ANK2: variants seen among roughly 807,000 people sequenced by gnomAD.
ANK2 encodes the protein ankyrin 2.
In ANK2, 83 loss-of-function variants were observed where a neutral mutation model predicts 360.5. That is an observed-to-expected ratio of 0.23 (90% CI 0.19 to 0.28). The LOEUF (loss-of-function observed/expected upper bound fraction) is 0.28, where lower values mean the gene tolerates loss of function less well. Among genes scored for constraint, ANK2 ranks in the 10% least tolerant of loss-of-function variants. The pLI, the probability that ANK2 is intolerant of heterozygous loss-of-function variation, is 1.00. For synonymous variants in ANK2, 1,740 were observed against 1,759.5 expected, an observed-to-expected ratio of 0.99 and a Z score of 0.28; for missense variants, 4,201 against 4,795.7, an observed-to-expected ratio of 0.88 and a Z score of 3.66.
At chr4:112,948,746 T>C (rs554716770) in intron 2 of ANK2, among the ~76,000 whole-genome samples, 1 of 152,316 alleles carries the variant, frequency 6.6e-6, no homozygotes, top group African/African-American at 2.4e-5. Context: ...GTTATTGTTA[T>C]ATGCAGTTTA....
chr4:112,895,120 C>T (rs924016011), intron 1 of ANK2, among the ~76,000 whole-genome samples: 1 of 152,092 alleles, frequency 6.6e-6, no homozygotes, highest in Non-Finnish European at 1.5e-5. Context: ...ACTTAGTTAT[C>T]CTAAATAGTC....
chr4:112,930,643 C>G (rs2154236339), intron 2 of ANK2, among the ~76,000 whole-genome samples: 1 of 151,916 alleles, frequency 6.6e-6, no homozygotes, highest in South Asian at 2.1e-4. Context: ...AATCCCAGGA[C>G]TTTGGGAGGC....
chr4:113,282,535 A>G (rs1029305108), intron 17 of ANK2, 140 bp from the exon 18 acceptor site: 55 of 825,010 alleles, frequency 6.7e-5, no homozygotes, highest in Non-Finnish European at 1.0e-4. Context: ...TGGAAACGTG[A>G]TGAGTAAGAG....
chr4:113,325,336 T>A (rs1471516107), intron 26 of ANK2, among the ~76,000 whole-genome samples: 1 of 152,172 alleles, frequency 6.6e-6, no homozygotes, highest in African/African-American at 2.4e-5. Flanking sequence ...AAATGAAAGG[T>A]TTAAGTAGGT....
chr4:113,308,088 G>A (rs987181796), intron 23 of ANK2, among the ~76,000 whole-genome samples: 46 of 152,096 alleles, frequency 3.0e-4, no homozygotes, highest in African/African-American at 9.9e-4. Context: ...CATTGAATAA[G>A]TAAGTTGAAA....
At chr4:113,113,750 C>A (rs1249459784) in intron 1 of ANK2, among the ~76,000 whole-genome samples, 2 of 152,146 alleles carry the variant, frequency 1.3e-5, no homozygotes, top group Non-Finnish European at 2.9e-5. Flanking sequence ...GAATTGGAAC[C>A]TGGTGCCTTG....
the ANK2 span, among the ~76,000 whole-genome samples, chr4:112,810,145 ATATATATATATATATTTTTTTT>A: frequency 3.6e-3 from 203 of 56,690 alleles, 4 homozygotes; most frequent in South Asian, 0.015. Context: ...ATATATATAT[ATATATATATATATATTTTTTTT>A]TTTTTTTTTT....
chr4:112,827,449 G>T lies in ANK2; in HGVS notation c.-40+9185G>T, dbSNP rs939527436. 5 of 1,378,014 alleles carry T rather than the reference G, an allele frequency of 3.6e-6. No homozygotes were observed. The African/African-American group carries it at 7.1e-5, about 20-fold the overall frequency. The allele number at this position is 1,378,014 out of a possible 1,614,324, so 85.4% of individuals were successfully genotyped here. On this transcript the variant is annotated intron_variant, in intron 1 of 30. Transcript: ENST00000503271. ...AGAACTTGGAAGTGAGGGCTTAAAA[G>T]ACAACCTTCTTGCTTCTGGGACATC...
the ANK2 span, among the ~76,000 whole-genome samples, chr4:112,757,439 A>T: frequency 9.2e-5 from 14 of 152,310 alleles, no homozygotes; most frequent in South Asian, 2.9e-3. Context: ...TCTCATCAGT[A>T]ACTGTCAAAC....
chr4:113,205,079 C>CA (rs1156811831), intron 4 of ANK2, among the ~76,000 whole-genome samples: 1 of 151,646 alleles, frequency 6.6e-6, no homozygotes, highest in South Asian at 2.1e-4. Context: ...ACTAAAAATA[C>CA]AAAAAAATTA....
chr4:113,278,702 T>C lies in ANK2; in HGVS notation c.1881+144T>C, dbSNP rs572155049. ...CTTTTGGTATTGACACCCTTTTTTTTCCCTTGTATTTCTGCCAGTTGCGTC... is the reference window on the plus strand; with the variant it reads ...CTTTTGGTATTGACACCCTTTTTTTCCCCTTGTATTTCTGCCAGTTGCGTC... On this transcript the variant is annotated intron_variant, in intron 17 of 45. Transcript: ENST00000357077. The C allele has an allele frequency of 4.6e-4, 364 of 798,596 alleles. 2 individuals are homozygous for C. The highest frequency in any genetic ancestry group is 4.3e-3 in the African/African-American group (248 of 57,830). The allele number at this position is 798,596 out of a possible 1,614,324, so 49.5% of individuals were successfully genotyped here. A position where few individuals can be genotyped will look rare whatever the true frequency, so the allele number is the denominator to read the frequency against.
chr4:113,266,267 C>A (rs954065619), intron 14 of ANK2, among the ~76,000 whole-genome samples: 2 of 152,138 alleles, frequency 1.3e-5, no homozygotes, highest in East Asian at 3.9e-4. Flanking sequence ...TCATCCATGT[C>A]CTGCAAAGGA....
intron 2 of ANK2, among the ~76,000 whole-genome samples, chr4:112,906,739 TA>T (rs2085356780): frequency 6.6e-6 from 1 of 152,126 alleles, no homozygotes; most frequent in Admixed American, 6.6e-5. Flanking sequence ...CCAGAGTAGT[TA>T]ATGAGGATTT....
At chr4:112,726,230 G>GA in the ANK2 span, among the ~76,000 whole-genome samples, 1 of 152,180 alleles carries the variant, frequency 6.6e-6, no homozygotes, top group Non-Finnish European at 1.5e-5. Flanking sequence ...GAGAGTGGTG[G>GA]AATAAGGTCT....
intron 10 of ANK2, among the ~76,000 whole-genome samples, chr4:113,253,788 T>C (rs190096938): frequency 6.6e-5 from 10 of 152,130 alleles, no homozygotes; most frequent in African/African-American, 2.4e-4. Context: ...TTCCCTTCTT[T>C]TGCATTCTGT....
intron 1 of ANK2, among the ~76,000 whole-genome samples, chr4:113,116,512 A>AC (rs1460838660): frequency 4.6e-5 from 7 of 152,238 alleles, no homozygotes; most frequent in African/African-American, 1.7e-4. Flanking sequence ...AGACCTGCTC[A>AC]CCCCTGTATT....
chr4:112,714,483 T>G, the ANK2 span, among the ~76,000 whole-genome samples: 1 of 152,190 alleles, frequency 6.6e-6, no homozygotes, highest in Non-Finnish European at 1.5e-5. Context: ...GCACCCAGCC[T>G]TAAAACATTA....
In ANK2 at chr4:113,240,706, G is replaced by A. The variant is rs752974352; in HGVS notation, c.792+123G>A. 4.2e-4 allele frequency: 338 copies of A among 810,120 alleles called. 1 individual carries two copies. The highest frequency in any genetic ancestry group is 5.5e-4 in the Non-Finnish European group (278 of 502,300). The allele number at this position is 810,120 out of a possible 1,614,324, so 50.2% of individuals were successfully genotyped here. ...TTTTTCCTTACCTGGGTCTGTGCTGGAGATACTAGATTTTTCATTTCCTTT... is the reference window on the plus strand; with the variant it reads ...TTTTTCCTTACCTGGGTCTGTGCTGAAGATACTAGATTTTTCATTTCCTTT... On this transcript the variant is annotated intron_variant, in intron 8 of 45. Transcript: ENST00000357077.
At chr4:113,345,804 C>T (rs2094782659) in intron 34 of ANK2, 96 bp from the exon 35 acceptor site, 1 of 1,512,316 alleles carries the variant, frequency 6.6e-7, no homozygotes, top group Non-Finnish European at 9.2e-7. Context: ...CTAGCAGTAA[C>T]AAATGAATTT....
Sources: allele counts gnomAD v4.1 joint callset (sites outside exome capture counted in the v4.1 genomes callset), GRCh38; gene constraint gnomAD v4.1.1; transcripts MANE v1.5; gene names NCBI Gene and HGNC (gene_info 2026-07-23, HGNC 2026-07-21).